Variants in ANKRD55 observed in about 807,000 individuals in gnomAD.
ANKRD55 encodes ankyrin repeat domain-containing protein 55.
ANKRD55 carries 41 observed loss-of-function variants against 60.6 expected under a neutral mutation model. The observed-to-expected ratio is 0.68, with a 90% confidence interval of 0.53 to 0.88. The LOEUF is 0.88. Among genes scored for constraint, ANKRD55 ranks in the 40% least tolerant of loss-of-function variants. The probability of loss-of-function intolerance (pLI) is 0.00; values close to 1 mark genes in which losing one functional copy is unlikely to be tolerated. For synonymous variants in ANKRD55, 264 were observed against 290.3 expected, an observed-to-expected ratio of 0.91 and a Z score of 0.92; for missense variants, 732 against 767.6, an observed-to-expected ratio of 0.95 and a Z score of 0.55.
At chr5:56,119,905 G>A (rs954485224) in intron 8 of ANKRD55, among the ~76,000 whole-genome samples, 4 of 152,008 alleles carry the variant, frequency 2.6e-5, no homozygotes, top group East Asian at 1.9e-4. Context: ...GCAATGGAGC[G>A]AGACCCTGTC....
At chr5:56,151,069 G>A (rs901994536) in intron 6 of ANKRD55, among the ~76,000 whole-genome samples, 5 of 152,044 alleles carry the variant, frequency 3.3e-5, no homozygotes, top group Non-Finnish European at 1.5e-5. Flanking sequence ...TGTTGCCCAG[G>A]CTGATCCTGA....
intron 6 of ANKRD55, among the ~76,000 whole-genome samples, chr5:56,156,494 G>C (rs1373798372): frequency 6.6e-6 from 1 of 152,226 alleles, no homozygotes; most frequent in East Asian, 1.9e-4. Flanking sequence ...TCTTTGCTGG[G>C]GGGTTGCTAG....
In ANKRD55 at chr5:56,215,165, C is replaced by T. The variant is rs1313412051; in HGVS notation, c.58+17691G>A. On this transcript the variant is annotated intron_variant, in intron 2 of 11. Transcript: ENST00000341048. ...TTTCTGAACTCTCTTGGAGAAAGGT[C>T]CACTTGTTGCTGCATAGAACAAATG... Among the ~76,000 whole-genome samples the T allele has an allele frequency of 2.0e-5, 3 of 152,176 alleles. No homozygotes were observed. The East Asian group carries it at 5.8e-4, about 29-fold the overall frequency.
At chr5:56,123,814 TG>T (rs1275195956) in intron 8 of ANKRD55, among the ~76,000 whole-genome samples, 1 of 152,164 alleles carries the variant, frequency 6.6e-6, no homozygotes, top group Non-Finnish European at 1.5e-5. Context: ...CTCATGTCCT[TG>T]GGGCCAGTCT....
intron 2 of ANKRD55, among the ~76,000 whole-genome samples, chr5:56,225,658 G>A (rs1315923730): frequency 2.0e-5 from 3 of 152,164 alleles, no homozygotes; most frequent in African/African-American, 4.8e-5. Context: ...AAATCAATGT[G>A]CAAAAATCAC....
At chr5:56,170,636 C>T in intron 5 of ANKRD55, 58 bp downstream of exon 5, 2 of 1,369,184 alleles carry the variant, frequency 1.5e-6, no homozygotes, top group Non-Finnish European at 2.1e-6. Flanking sequence ...ATTAGATGAC[C>T]TTCTCATACA....
intron 3 of ANKRD55, 43 bp from the exon 4 acceptor site, chr5:56,176,325 A>C (rs1475498047): frequency 6.8e-6 from 11 of 1,612,162 alleles, no homozygotes; most frequent in African/African-American, 1.3e-5. Flanking sequence ...TGTGTGACCC[A>C]TGAAACTGAT....
At chr5:56,182,660 T>G (rs983279562) in intron 3 of ANKRD55, among the ~76,000 whole-genome samples, 5 of 152,186 alleles carry the variant, frequency 3.3e-5, no homozygotes, top group Admixed American at 3.3e-4. Flanking sequence ...AAACTTGGAC[T>G]TTTGGGGTAT....
At position 56,149,212 on chromosome 5, in the gene ANKRD55, G is replaced by A. The variant is rs565506763; in HGVS notation, c.484-5283C>T. On this transcript the variant is annotated intron_variant, in intron 6 of 11. Transcript: ENST00000341048. Reference sequence around the variant, plus strand: ...TTTGTTTTGGAATTTCCTAAACTGAGTAGATAGACGGTGAGCATCACGATA... The same window carrying A: ...TTTGTTTTGGAATTTCCTAAACTGAATAGATAGACGGTGAGCATCACGATA... Among the ~76,000 whole-genome samples the A allele has an allele frequency of 1.9e-4, 29 of 152,252 alleles. 1 individual carries two copies. In the South Asian group the frequency reaches 4.1e-3, roughly 22 times the overall value.
intron 2 of ANKRD55, among the ~76,000 whole-genome samples, chr5:56,216,065 T>C (rs1445495386): frequency 2.6e-5 from 4 of 151,538 alleles, no homozygotes; most frequent in Admixed American, 6.6e-5. Flanking sequence ...TATTCATTTA[T>C]GTATTGCTTG....
intron 2 of ANKRD55, among the ~76,000 whole-genome samples, chr5:56,189,834 T>C (rs766372998): frequency 6.6e-6 from 1 of 152,230 alleles, no homozygotes; most frequent in Non-Finnish European, 1.5e-5. Flanking sequence ...TTTGGGTATA[T>C]ACTCAGAAGT....
At chr5:56,197,439 A>G (rs3843464) in intron 2 of ANKRD55, among the ~76,000 whole-genome samples, 23,430 of 152,226 alleles carry the variant, frequency 0.15, 3,345 homozygotes, top group African/African-American at 0.37. Context: ...CTATTTTATA[A>G]CATACAGAGC....
At chr5:56,112,519 A>AAC (rs1332164542) in intron 9 of ANKRD55, among the ~76,000 whole-genome samples, 3 of 148,968 alleles carry the variant, frequency 2.0e-5, no homozygotes, top group African/African-American at 7.6e-5. Context: ...AAAAAAAAAA[A>AAC]AAACAACCAA....
intron 6 of ANKRD55, among the ~76,000 whole-genome samples, chr5:56,144,294 G>A (rs1450116177): frequency 6.6e-6 from 1 of 152,136 alleles, no homozygotes; most frequent in African/African-American, 2.4e-5. Flanking sequence ...AGTAACCAAG[G>A]GTGGAGGGAC....
intron 2 of ANKRD55, among the ~76,000 whole-genome samples, chr5:56,184,903 AAAAG>A (rs1207043507): frequency 1.3e-5 from 2 of 151,854 alleles, no homozygotes; most frequent in East Asian, 3.9e-4. Context: ...TAAAAAAAAA[AAAAG>A]AAAGGCGACA....
At chr5:56,202,509 A>C (rs1197579886) in intron 2 of ANKRD55, among the ~76,000 whole-genome samples, 1 of 152,128 alleles carries the variant, frequency 6.6e-6, no homozygotes, top group Non-Finnish European at 1.5e-5. Flanking sequence ...ATTTCCTGAG[A>C]TGATAAGAGT....
At chr5:56,201,511 G>T (rs914757684) in intron 2 of ANKRD55, among the ~76,000 whole-genome samples, 1 of 152,198 alleles carries the variant, frequency 6.6e-6, no homozygotes. Flanking sequence ...AAGCTCTGGG[G>T]CCTCACCTCT....
At chr5:56,205,103 C>T (rs1043244673) in intron 2 of ANKRD55, among the ~76,000 whole-genome samples, 5 of 152,014 alleles carry the variant, frequency 3.3e-5, no homozygotes, top group African/African-American at 1.2e-4. Flanking sequence ...CTCTGTTGCC[C>T]AGGATGGAGT....
At chr5:56,105,079 G>A (rs1294739363) in intron 10 of ANKRD55, among the ~76,000 whole-genome samples, 2 of 151,046 alleles carry the variant, frequency 1.3e-5, no homozygotes, top group Admixed American at 6.6e-5. Context: ...GCAAGGTGGA[G>A]CTATTCTTTT....
Sources: gnomAD v4.1 joint callset for allele counts (sites outside exome capture counted in the v4.1 genomes callset) on GRCh38, gnomAD v4.1.1 for gene constraint, MANE v1.5 for transcripts, NCBI Gene and HGNC (gene_info 2026-07-23, HGNC 2026-07-21) for gene names.